COL28A1: variants seen among roughly 807,000 people sequenced by gnomAD.
COL28A1 encodes the protein collagen alpha-1(XXVIII) chain.
A neutral mutation model predicts 150.2 loss-of-function variants in COL28A1; 161 were observed. That is an observed-to-expected ratio of 1.07 (90% CI 0.94 to 1.22). The LOEUF (loss-of-function observed/expected upper bound fraction) is 1.22, where lower values mean the gene tolerates loss of function less well. COL28A1 is among the 50% of genes most tolerant of loss of function. The pLI, the probability that COL28A1 is intolerant of heterozygous loss-of-function variation, is 0.00. For missense variants in COL28A1, 1,617 were observed against 1,388.3 expected, an observed-to-expected ratio of 1.16 and a Z score of -2.62; for synonymous variants, 552 against 469.7, an observed-to-expected ratio of 1.18 and a Z score of -2.26.
At chr7:7,410,106 G>C (rs1583310110) in intron 27 of COL28A1, among the ~76,000 whole-genome samples, 1 of 152,116 alleles carries the variant, frequency 6.6e-6, no homozygotes, top group Non-Finnish European at 1.5e-5. Context: ...GAAAATGAAA[G>C]CGTGAACTAG....
intron 33 of COL28A1, among the ~76,000 whole-genome samples, chr7:7,363,909 T>C (rs1193777789): frequency 6.6e-6 from 1 of 152,046 alleles, no homozygotes; most frequent in African/African-American, 2.4e-5. Flanking sequence ...GCCTCCCAAG[T>C]AGCTGATATT....
Position 7,358,267 on chromosome 7 carries a change from G to A in COL28A1, c.*366C>T, listed in dbSNP as rs1179284852. 10 of 159,958 alleles carry A rather than the reference G, an allele frequency of 6.3e-5. No homozygotes were observed. Among genetic ancestry groups the A allele is most frequent in the Non-Finnish European group, 1.4e-4 (10 of 73,460 alleles). 9.9% of individuals were successfully genotyped at this position (159,958 alleles called of 1,614,324 possible). On this transcript the variant is annotated 3_prime_UTR_variant, in exon 35 of 35. Coordinates refer to ENST00000399429, the MANE Select transcript of COL28A1 (RefSeq NM_001037763.3). Reference sequence around the variant, plus strand: ...TGGGTGGAGGTATGGGCAGGGACAGGGGTAGGGGTTTGAGCTGACATAGTA... The same window carrying A: ...TGGGTGGAGGTATGGGCAGGGACAGAGGTAGGGGTTTGAGCTGACATAGTA...
Position 7,373,259 on chromosome 7 carries a change from C to T in COL28A1, c.2647G>A (p.Ala883Thr). 1 of 1,614,188 alleles carries T rather than the reference C, an allele frequency of 6.2e-7. No homozygotes were observed. The highest frequency in any genetic ancestry group is 8.5e-7 in the Non-Finnish European group (1 of 1,180,034). Reference sequence around the variant, plus strand: ...GCATCTTCAAACATGTCGTTGGCTGCTTGCAGAGCAGTGGCTGTGTATGTG... The same window carrying T: ...GCATCTTCAAACATGTCGTTGGCTGTTTGCAGAGCAGTGGCTGTGTATGTG... The part of the protein sequence containing the change: ...EGTYTATALQ[A>T]ANDMFEDARP... Residue 883 changes from alanine (A) to threonine (T), a missense_variant, in exon 32 of 35, where the codon GCA (alanine) becomes ACA (threonine). Physicochemically the swap from Ala to Thr is moderately conservative, Grantham distance 58 (BLOSUM62 0). Coordinates refer to ENST00000399429, the MANE Select transcript of COL28A1 (RefSeq NM_001037763.3). The surrounding 1 kb of genome is among the most constrained non-coding windows in gnomAD (Gnocchi z 4.1).
chr7:7,353,229 C>T (rs1429845648), downstream of COL28A1, among the ~76,000 whole-genome samples: 2 of 152,144 alleles, frequency 1.3e-5, no homozygotes, highest in African/African-American at 2.4e-5. Context: ...ACACTGATAA[C>T]ATTGATTACA....
At chr7:7,520,724 A>G (rs1283393807) in intron 5 of COL28A1, among the ~76,000 whole-genome samples, 1 of 152,224 alleles carries the variant, frequency 6.6e-6, no homozygotes, top group Non-Finnish European at 1.5e-5. Context: ...GCTTATCCCT[A>G]CTAAAATGTG....
intron 27 of COL28A1, among the ~76,000 whole-genome samples, chr7:7,394,882 T>C (rs1171976030): frequency 6.6e-6 from 1 of 152,232 alleles, no homozygotes; most frequent in Non-Finnish European, 1.5e-5. Flanking sequence ...GATAGGTATT[T>C]TACATTTACA....
At chr7:7,355,161 G>C (rs73038724), downstream of COL28A1, among the ~76,000 whole-genome samples, 1 of 152,026 alleles carries the variant, frequency 6.6e-6, no homozygotes, top group African/African-American at 2.4e-5. Context: ...AATTAGCAAA[G>C]AATTATATTT....
At chr7:7,460,570 G>C (rs1012893686) in intron 15 of COL28A1, among the ~76,000 whole-genome samples, 4 of 152,048 alleles carry the variant, frequency 2.6e-5, no homozygotes, top group African/African-American at 9.7e-5. Flanking sequence ...TGTTAGTAGA[G>C]ACAAGGTTTC....
At chr7:7,425,021 T>C (rs1784581647) in intron 25 of COL28A1, among the ~76,000 whole-genome samples, 2 of 152,162 alleles carry the variant, frequency 1.3e-5, no homozygotes, top group South Asian at 4.1e-4. Context: ...AACACATTCA[T>C]TCATTTTCTC....
At chr7:7,517,566 T>C (rs1486509413) in intron 7 of COL28A1, among the ~76,000 whole-genome samples, 6 of 152,168 alleles carry the variant, frequency 3.9e-5, no homozygotes, top group Non-Finnish European at 5.9e-5. Flanking sequence ...ATCAGAGAAT[T>C]TGATAGGGTT....
At chr7:7,369,957 G>C (rs1781130043) in intron 33 of COL28A1, among the ~76,000 whole-genome samples, 1 of 152,092 alleles carries the variant, frequency 6.6e-6, no homozygotes, top group African/African-American at 2.4e-5. Context: ...AATGGGTCTA[G>C]ACTTGCCCAA....
chr7:7,525,435 G>T (rs1427583849), intron 3 of COL28A1, among the ~76,000 whole-genome samples: 1 of 152,190 alleles, frequency 6.6e-6, no homozygotes, highest in African/African-American at 2.4e-5. Context: ...ACGCTGGAAA[G>T]AAACTAATCT....
At chr7:7,387,253 C>A (rs980823574) in intron 27 of COL28A1, among the ~76,000 whole-genome samples, 1 of 152,080 alleles carries the variant, frequency 6.6e-6, no homozygotes, top group Non-Finnish European at 1.5e-5. Flanking sequence ...GGTCAGGAAA[C>A]CACGCCCAGA....
chr7:7,456,352 T>C (rs1426571939), intron 15 of COL28A1, among the ~76,000 whole-genome samples: 3 of 152,198 alleles, frequency 2.0e-5, no homozygotes, highest in Non-Finnish European at 4.4e-5. Context: ...AGGCTTATAT[T>C]TATCAATCAT....
At chr7:7,390,470 C>T (rs1005972650) in intron 27 of COL28A1, among the ~76,000 whole-genome samples, 1 of 152,110 alleles carries the variant, frequency 6.6e-6, no homozygotes, top group Non-Finnish European at 1.5e-5. Flanking sequence ...TGTTGGGTCT[C>T]TGCCAGGTTT....
chr7:7,419,986 T>A, intron 25 of COL28A1, 33 bp from the exon 26 acceptor site: 1 of 1,405,828 alleles, frequency 7.1e-7, no homozygotes, highest in Non-Finnish European at 9.5e-7. Context: ...AAGTTACTAA[T>A]TTTTTAAAGA....
chr7:7,370,025 C>A (rs1255964763), intron 33 of COL28A1, among the ~76,000 whole-genome samples: 1 of 152,058 alleles, frequency 6.6e-6, no homozygotes, highest in African/African-American at 2.4e-5. Context: ...AAAGGCTCCC[C>A]CATTTTCTCC....
the COL28A1 span, among the ~76,000 whole-genome samples, chr7:7,542,313 G>C: frequency 0.026 from 3,941 of 152,278 alleles, 181 homozygotes; most frequent in African/African-American, 0.09. Context: ...CCTGGCCACA[G>C]AGTGAGATCC....
chr7:7,501,091 T>G (rs1780497144), intron 11 of COL28A1, among the ~76,000 whole-genome samples: 1 of 152,164 alleles, frequency 6.6e-6, no homozygotes, highest in Admixed American at 6.5e-5. Context: ...TTTCTTAATA[T>G]CTCAGAAGTT....
Sources: allele counts gnomAD v4.1 joint callset (sites outside exome capture counted in the v4.1 genomes callset), GRCh38; gene constraint gnomAD v4.1.1; non-coding constraint Gnocchi (gnomAD v3.1); transcripts MANE v1.5; gene names NCBI Gene and HGNC (gene_info 2026-07-23, HGNC 2026-07-21).